The following BTBD9 variants were observed in gnomAD, a reference collection of about 807,000 sequenced individuals.
BTBD9 encodes the protein BTB domain containing 9.
In BTBD9, 49 loss-of-function variants were observed where a neutral mutation model predicts 64.3. The ratio of observed to expected loss-of-function variants is 0.76; its 90% confidence interval spans 0.61 to 0.97. BTBD9 has a LOEUF of 0.97. BTBD9 is among the 50% of genes least tolerant of loss of function. The pLI is 0.00. For synonymous variants in BTBD9, 260 were observed against 274.7 expected, an observed-to-expected ratio of 0.95 and a Z score of 0.53; for missense variants, 598 against 762.1, an observed-to-expected ratio of 0.78 and a Z score of 2.53.
intron 8 of BTBD9, among the ~76,000 whole-genome samples, chr6:38,286,919 T>C (rs892190400): frequency 6.6e-6 from 1 of 151,184 alleles, no homozygotes; most frequent in East Asian, 1.9e-4. Context: ...CCATCTCTAC[T>C]AAAAATACAA....
intron 6 of BTBD9, among the ~76,000 whole-genome samples, chr6:38,375,889 A>AG (rs1765659042): frequency 7.0e-6 from 1 of 142,904 alleles, no homozygotes; most frequent in Non-Finnish European, 1.5e-5. Flanking sequence ...AAAGAAAGAA[A>AG]GAAAAGAAAG....
chr6:38,299,477 T>C (rs1762301187), intron 7 of BTBD9, among the ~76,000 whole-genome samples: 1 of 152,216 alleles, frequency 6.6e-6, no homozygotes, highest in Non-Finnish European at 1.5e-5. Flanking sequence ...CCATCAACAG[T>C]GTAAAAGTGT....
chr6:38,276,770 T>TA lies in BTBD9; in HGVS notation c.1454+11501dup, dbSNP rs1213797899. ...TCTTTGAAAGTAAGAGGTCTTTTTTTAAAAAAAATCTATCACTTCATTCCA... is the reference window on the plus strand; with the variant it reads ...TCTTTGAAAGTAAGAGGTCTTTTTTTAAAAAAAAATCTATCACTTCATTCCA... On this transcript the variant is annotated intron_variant, in intron 8 of 10. Transcript: ENST00000481247. Among the ~76,000 whole-genome samples, 11 of 152,166 alleles carry TA rather than the reference T, an allele frequency of 7.2e-5. 1 individual carries two copies. Among genetic ancestry groups the TA allele is most frequent in the South Asian group, 4.1e-4 (2 of 4,822 alleles).
chr6:38,371,029 T>C (rs891368448), intron 6 of BTBD9, among the ~76,000 whole-genome samples: 1 of 152,208 alleles, frequency 6.6e-6, no homozygotes, highest in African/African-American at 2.4e-5. Flanking sequence ...ATTTTTTTCT[T>C]CTCTGCTGTG....
chr6:38,320,286 G>A (rs1763184153), intron 7 of BTBD9, among the ~76,000 whole-genome samples: 1 of 152,148 alleles, frequency 6.6e-6, no homozygotes, highest in African/African-American at 2.4e-5. Context: ...GTAGACACTT[G>A]TCAAATTTGG....
intron 6 of BTBD9, among the ~76,000 whole-genome samples, chr6:38,350,597 C>T (rs228188): frequency 0.69 from 104,669 of 152,148 alleles, 38,092 homozygotes; most frequent in East Asian, 0.95. Flanking sequence ...CTGAATTCCA[C>T]TCTTTGGTAA....
chr6:38,232,273 T>C (rs1362067553), intron 9 of BTBD9, among the ~76,000 whole-genome samples: 2 of 151,656 alleles, frequency 1.3e-5, no homozygotes, highest in Non-Finnish European at 2.9e-5. Flanking sequence ...GTCTCTGTTT[T>C]CTTTTTTTTT....
chr6:38,239,727 C>G (rs532818639), intron 9 of BTBD9, among the ~76,000 whole-genome samples: 12 of 152,240 alleles, frequency 7.9e-5, no homozygotes, highest in African/African-American at 2.6e-4. Context: ...AATAATCTAT[C>G]TTGTGAAAAA....
rs1766713154 is a variant in BTBD9 at position 38,170,542 on chromosome 6, G to C, written c.*4443C>G. The stretch of plus-strand genomic sequence containing the variant: ...TCACCATTCACTCTGCAAATGACCA[G>C]GGCCTCCAAATCCCGTCCAGCCCCA... On this transcript the variant is annotated 3_prime_UTR_variant, in exon 11 of 11. Coordinates refer to ENST00000481247, the MANE Select transcript of BTBD9 (RefSeq NM_001099272.2). The C allele has an allele frequency of 6.6e-6, 1 of 152,274 alleles. No homozygotes were observed. The highest frequency in any genetic ancestry group is 6.5e-5 in the Admixed American group (1 of 15,284). The allele number at this position is 152,274 out of a possible 1,614,324, so 9.4% of individuals were successfully genotyped here. A position where few individuals can be genotyped will look rare whatever the true frequency, so the allele number is the denominator to read the frequency against.
chr6:38,302,485 G>GTATA (rs59324806), intron 7 of BTBD9, among the ~76,000 whole-genome samples: 2,460 of 106,348 alleles, frequency 0.023, 57 homozygotes, highest in Middle Eastern at 0.055. Flanking sequence ...TTGTGTGTAT[G>GTATA]TATATATATA....
Position 38,241,867 on chromosome 6 carries a change from A to AT in BTBD9, c.1562+14541dup, listed in dbSNP as rs1270403673. 8.5e-5 allele frequency among the ~76,000 whole-genome samples: 13 copies of AT among 152,172 alleles called. No homozygotes were observed. In the East Asian group the frequency reaches 2.1e-3, roughly 25 times the overall value. On this transcript the variant is annotated intron_variant, in intron 9 of 10. Transcript: ENST00000481247. ...AAATGGCCTAATGAACAGTGTAATGATTTTTTTTAAGTAGGCAATAGGAAG... is the reference window on the plus strand; with the variant it reads ...AAATGGCCTAATGAACAGTGTAATGATTTTTTTTTAAGTAGGCAATAGGAAG...
intron 1 of BTBD9, chr6:38,613,030 C>T (rs114364743): frequency 4.1e-4 from 63 of 152,130 alleles, no homozygotes; most frequent in African/African-American, 1.4e-3. Context: ...CAAATTGAGA[C>T]GAGCTGTAAG....
intron 4 of BTBD9, chr6:38,588,524 C>T: frequency 1.2e-6 from 1 of 820,866 alleles, no homozygotes; most frequent in Non-Finnish European, 1.8e-6. Flanking sequence ...ACCTGGTTAT[C>T]GATAACGAGG....
chr6:38,614,973 A>G (rs1046063738), intron 1 of BTBD9, among the ~76,000 whole-genome samples: 1 of 152,144 alleles, frequency 6.6e-6, no homozygotes. Context: ...CACGGCTCTT[A>G]TCGTAAAAGA....
intron 6 of BTBD9, among the ~76,000 whole-genome samples, chr6:38,522,730 C>G (rs568261918): frequency 6.6e-6 from 1 of 152,244 alleles, no homozygotes; most frequent in African/African-American, 2.4e-5. Flanking sequence ...CATCCATTTC[C>G]AACTACCAGT....
intron 9 of BTBD9, among the ~76,000 whole-genome samples, chr6:38,222,257 G>GTTTTTT (rs1156925177): frequency 4.0e-4 from 46 of 114,354 alleles, no homozygotes; most frequent in Middle Eastern, 6.0e-3. Context: ...TCATTCAGTT[G>GTTTTTT]TTTTTTTTTT....
At chr6:38,356,539 G>A (rs1321278396) in intron 6 of BTBD9, among the ~76,000 whole-genome samples, 6 of 151,672 alleles carry the variant, frequency 4.0e-5, no homozygotes, top group Non-Finnish European at 8.8e-5. Context: ...TTTCTTTTTG[G>A]TCTAGGGTTG....
chr6:38,488,073 C>T (rs1251626454), intron 6 of BTBD9, among the ~76,000 whole-genome samples: 1 of 152,176 alleles, frequency 6.6e-6, no homozygotes, highest in African/African-American at 2.4e-5. Context: ...CCTCCCACTT[C>T]GGCCTCCCAA....
At chr6:38,596,653 T>C (rs1407203003) in intron 2 of BTBD9, among the ~76,000 whole-genome samples, 1 of 151,786 alleles carries the variant, frequency 6.6e-6, no homozygotes, top group Non-Finnish European at 1.5e-5. Context: ...ACAAAAAAAT[T>C]AGCCGAGCGT....
Sources: allele counts gnomAD v4.1 joint callset (sites outside exome capture counted in the v4.1 genomes callset), GRCh38; gene constraint gnomAD v4.1.1; transcripts MANE v1.5; gene names NCBI Gene and HGNC (gene_info 2026-07-23, HGNC 2026-07-21).